SLK: variants seen among roughly 807,000 people sequenced by gnomAD.
SLK encodes the protein STE20 like kinase.
SLK carries 67 observed loss-of-function variants against 147.7 expected under a neutral mutation model. That is an observed-to-expected ratio of 0.45 (90% confidence interval 0.37 to 0.56). The LOEUF is 0.56. Among genes scored for constraint, SLK ranks in the 20% least tolerant of loss-of-function variants. The probability of loss-of-function intolerance (pLI) is 0.00; values close to 1 mark genes in which losing one functional copy is unlikely to be tolerated. For synonymous variants in SLK, 441 were observed against 475.0 expected (o/e 0.93, Z 0.93); for missense variants, 1,136 against 1,438.8 (o/e 0.79, Z 3.41).
Position 103,992,997 on chromosome 10 carries a change from A to G in SLK, c.378A>G (p.Pro126=), listed in dbSNP as rs780623976. 37 of 1,610,632 alleles carry G rather than the reference A, an allele frequency of 2.3e-5. No homozygotes were observed. The highest frequency in any genetic ancestry group is 4.2e-6 in the Non-Finnish European group (5 of 1,178,440). ...VDAVMLELER[P]LTESQIQVVC... ...TTCTCCTTATAGAACTTGAGAGACC[A>G]TTAACTGAGTCCCAAATACAAGTAG... Residue 126 remains proline, a synonymous_variant, in exon 4 of 19, where the codon CCA becomes CCG. Transcript: ENST00000369755.
intron 14 of SLK, 150 bp downstream of exon 14, chr10:104,018,439 T>C (rs1409298988): frequency 1.4e-6 from 1 of 713,680 alleles, no homozygotes; most frequent in Non-Finnish European, 2.3e-6. Flanking sequence ...TTATGCCTTA[T>C]AGTTGTTAGT....
At chr10:103,983,644 C>T (rs1457454323) in intron 1 of SLK, among the ~76,000 whole-genome samples, 5 of 146,680 alleles carry the variant, frequency 3.4e-5, no homozygotes, top group African/African-American at 1.0e-4. Context: ...CTGCTTGTTA[C>T]TTTGACCATC....
At chr10:104,024,560 G>A (rs953694099) in intron 18 of SLK, among the ~76,000 whole-genome samples, 4 of 152,052 alleles carry the variant, frequency 2.6e-5, no homozygotes, top group East Asian at 1.9e-4. Context: ...GCTGTGTTTC[G>A]GCTCTGTTTC....
intron 13 of SLK, among the ~76,000 whole-genome samples, chr10:104,011,434 T>G (rs1276519082): frequency 6.6e-6 from 1 of 152,234 alleles, no homozygotes; most frequent in Non-Finnish European, 1.5e-5. Context: ...AAATATTAAG[T>G]ACCTTGTTTT....
rs961148564 is a variant in SLK at position 103,992,920 on chromosome 10, A to G, written c.365-64A>G. The G allele has an allele frequency of 5.8e-6, 7 of 1,214,814 alleles. No individual in the cohort carries two copies. In the African/African-American group the frequency reaches 7.6e-5, roughly 13 times the overall value. 75.3% of individuals were successfully genotyped at this position (1,214,814 alleles called of 1,614,324 possible). On this transcript the variant is annotated intron_variant, in intron 3 of 18. Coordinates refer to ENST00000369755, the MANE Select transcript of SLK (RefSeq NM_014720.4). ...AGTGATGATATATACAGAAAGGTAT[A>G]TAGCCTGCTAATATGTTTTCACTGT...
At chr10:103,981,399 A>G (rs1371544377) in intron 1 of SLK, among the ~76,000 whole-genome samples, 2 of 152,038 alleles carry the variant, frequency 1.3e-5, no homozygotes, top group African/African-American at 4.8e-5. Context: ...TTAGTGTCAT[A>G]TCTCAGAATT....
chr10:104,007,659 A>G (rs1214850462), intron 11 of SLK, among the ~76,000 whole-genome samples: 2 of 151,146 alleles, frequency 1.3e-5, no homozygotes, highest in Non-Finnish European at 2.9e-5. Flanking sequence ...GACCAGGCCC[A>G]GTGGTTCATG....
chr10:103,969,279 T>C (rs758651736), intron 1 of SLK, among the ~76,000 whole-genome samples: 1 of 152,170 alleles, frequency 6.6e-6, no homozygotes, highest in Non-Finnish European at 1.5e-5. Flanking sequence ...GCCTACTACT[T>C]TCTAAGCACC....
In SLK at chr10:104,008,329, G is replaced by A; in HGVS notation, c.2757G>A (p.Gln919=). ...GEQEKELSKF[Q]NMLKNRKKEV... is the part of the protein sequence containing the mutation. ...AAGAGAAAGAGTTGTCCAAATTTCA[G>A]AATATGCTGAAGAACCGAAAGAAGG... The change falls in exon 12 of 19, where the codon CAG becomes CAA. Residue 919 remains glutamine, a synonymous_variant. Coordinates refer to ENST00000369755, the MANE Select transcript of SLK (RefSeq NM_014720.4). The A allele has an allele frequency of 6.2e-7, 1 of 1,611,234 alleles. No individual in the cohort carries two copies. Among genetic ancestry groups the A allele is most frequent in the Non-Finnish European group, 8.5e-7 (1 of 1,178,808 alleles).
intron 1 of SLK, among the ~76,000 whole-genome samples, chr10:103,983,702 T>C (rs1304268650): frequency 1.3e-5 from 2 of 152,014 alleles, no homozygotes; most frequent in East Asian, 1.9e-4. Context: ...CAGCAGTTTC[T>C]TTCTGTAGCA....
At chr10:103,970,304 CTG>C (rs1188572341) in intron 1 of SLK, among the ~76,000 whole-genome samples, 3 of 152,264 alleles carry the variant, frequency 2.0e-5, no homozygotes, top group East Asian at 1.9e-4. Context: ...TACTAAAGCC[CTG>C]TGTTATTCTT....
chr10:104,026,520 G>A lies in SLK; in HGVS notation c.*800G>A, dbSNP rs1844601635. 1 of 152,154 alleles carries A rather than the reference G, an allele frequency of 6.6e-6. No homozygotes were observed. Among genetic ancestry groups the A allele is most frequent in the Admixed American group, 6.6e-5 (1 of 15,262 alleles). 9.4% of individuals were successfully genotyped at this position (152,154 alleles called of 1,614,324 possible). On this transcript the variant is annotated 3_prime_UTR_variant, in exon 19 of 19. Transcript: ENST00000369755. ...AAAGTTTGGAAAGATGAAAAAAAGA[G>A]GTAGCTTTTAGATTGCAAACTGGAA...
chr10:104,019,911 A>G lies in SLK; in HGVS notation c.3310A>G (p.Lys1104Glu), dbSNP rs1844513180. 6.2e-7 allele frequency: 1 copy of G among 1,610,916 alleles called. No individual in the cohort carries two copies. The highest frequency in any genetic ancestry group is 1.3e-5 in the African/African-American group (1 of 74,818). ...STATPDQDRD[K>E]IKQFAAQEEK... ...AGCCACACCAGATCAGGACCGTGAT[A>G]AAATTAAACAGGTAAATATGCAAGT... Residue 1104 changes from lysine to glutamate, a missense_variant, in exon 16 of 19, where the codon AAA (lysine) becomes GAA (glutamate). This residue lies in a region of SLK where 327 missense variants were observed against 457.5 expected (regional missense o/e 0.71). Coordinates refer to ENST00000369755, the MANE Select transcript of SLK (RefSeq NM_014720.4).
In SLK at chr10:104,016,120, C is replaced by T. The variant is rs891702510; in HGVS notation, c.2878-2040C>T. Among the ~76,000 whole-genome samples the T allele has an allele frequency of 2.6e-5, 4 of 152,078 alleles. No individual in the cohort carries two copies. In the South Asian group the frequency reaches 8.3e-4, roughly 32 times the overall value. On this transcript the variant is annotated intron_variant, in intron 13 of 18. Transcript: ENST00000369755. The stretch of plus-strand genomic sequence containing the variant: ...AATCACAAGGTCAGGAGATCAAGAC[C>T]ATCCTGGCTACCACGGTGAAACCCC...
intron 12 of SLK, among the ~76,000 whole-genome samples, chr10:104,008,737 T>G (rs1844361588): frequency 6.6e-6 from 1 of 152,234 alleles, no homozygotes; most frequent in Non-Finnish European, 1.5e-5. Flanking sequence ...TATAAAAGTA[T>G]TTTTTAGAAA....
At chr10:104,023,292 A>G (rs756996979) in intron 18 of SLK, among the ~76,000 whole-genome samples, 5 of 152,142 alleles carry the variant, frequency 3.3e-5, no homozygotes, top group African/African-American at 9.7e-5. Flanking sequence ...TGATGATTTT[A>G]TTGCTAGTCA....
chr10:103,981,935 C>T, intron 1 of SLK, among the ~76,000 whole-genome samples: 1 of 152,122 alleles, frequency 6.6e-6, no homozygotes, highest in Non-Finnish European at 1.5e-5. Context: ...GACATTTTAA[C>T]AATATTAGGC....
intron 4 of SLK, among the ~76,000 whole-genome samples, chr10:103,997,014 C>T (rs1250972380): frequency 6.6e-6 from 1 of 152,110 alleles, no homozygotes; most frequent in African/African-American, 2.4e-5. Context: ...ATTACCATCA[C>T]CTATCTCCAT....
At chr10:104,019,368 G>C (rs1343278641) in intron 15 of SLK, among the ~76,000 whole-genome samples, 1 of 151,942 alleles carries the variant, frequency 6.6e-6, no homozygotes, top group Non-Finnish European at 1.5e-5. Context: ...TCGAACTCCT[G>C]GGTTCAAGGG....
Sources: gnomAD v4.1 joint callset for allele counts (sites outside exome capture counted in the v4.1 genomes callset) on GRCh38, gnomAD v4.1.1 for gene constraint, gnomAD v4.1.1 regional missense constraint, MANE v1.5 for transcripts, NCBI Gene and HGNC (gene_info 2026-07-23, HGNC 2026-07-21) for gene names.